Variants in GRAMD1B observed in about 807,000 individuals in gnomAD.
GRAMD1B encodes the protein protein Aster-B.
In GRAMD1B, 37 loss-of-function variants were observed where a neutral mutation model predicts 99.7. The observed-to-expected ratio is 0.37, with a 90% CI of 0.29 to 0.49. GRAMD1B has a LOEUF of 0.49. Among genes scored for constraint, GRAMD1B ranks in the 20% least tolerant of loss-of-function variants. The pLI, the probability that GRAMD1B is intolerant of heterozygous loss-of-function variation, is 0.98. For synonymous variants in GRAMD1B, 427 were observed against 387.6 expected (o/e 1.10, Z -1.19); for missense variants, 888 against 1,009.2 (o/e 0.88, Z 1.63).
At chr11:123,528,137 G>T (rs914478130) in intron 2 of GRAMD1B, among the ~76,000 whole-genome samples, 17 of 152,104 alleles carry the variant, frequency 1.1e-4, no homozygotes, top group African/African-American at 3.6e-4. Flanking sequence ...CCCTTTGGCA[G>T]TATCCCAACT....
chr11:123,619,028 C>T (rs1954799835), intron 18 of GRAMD1B, 79 bp from the exon 19 acceptor site: 2 of 795,946 alleles, frequency 2.5e-6, no homozygotes, highest in Non-Finnish European at 4.2e-6. Flanking sequence ...GACTCTCTGT[C>T]CTTTAGGGGT....
At chr11:123,488,447 C>T (rs1938134834) in intron 2 of GRAMD1B, among the ~76,000 whole-genome samples, 1 of 152,212 alleles carries the variant, frequency 6.6e-6, no homozygotes, top group Admixed American at 6.5e-5. Context: ...CTGGCATTAA[C>T]TGGCTGCCTG....
chr11:123,609,818 AAGG>A lies in GRAMD1B; in HGVS notation c.1687_1689del (p.Glu563del). ...AGATATCATCTTCCATCCATGGAAA[AAGG>A]AGGAGAATGGAAACCAGAGCCGAGT... On this transcript the variant is annotated inframe_deletion, in exon 13 of 20. Coordinates refer to ENST00000635736, the MANE Select transcript of GRAMD1B (RefSeq NM_001387025.1). The A allele has an allele frequency of 3.1e-6, 5 of 1,597,750 alleles. No homozygotes were observed. Among genetic ancestry groups the A allele is most frequent in the Non-Finnish European group, 4.3e-6 (5 of 1,169,730 alleles).
intron 1 of GRAMD1B, among the ~76,000 whole-genome samples, chr11:123,391,399 A>T (rs991627188): frequency 6.6e-6 from 1 of 152,066 alleles, no homozygotes; most frequent in Admixed American, 6.6e-5. Context: ...CCTCATTGAA[A>T]TCTCTCTGCC....
chr11:123,561,658 C>G (rs916021721), intron 2 of GRAMD1B, among the ~76,000 whole-genome samples: 2 of 152,254 alleles, frequency 1.3e-5, no homozygotes, highest in Non-Finnish European at 2.9e-5. Flanking sequence ...AGAAAGCCAT[C>G]TTTGCCTCTT....
At chr11:123,391,175 C>A (rs1467894991) in intron 1 of GRAMD1B, among the ~76,000 whole-genome samples, 1 of 152,174 alleles carries the variant, frequency 6.6e-6, no homozygotes, top group African/African-American at 2.4e-5. Context: ...CCGCCACTTG[C>A]CCTACTTCAT....
chr11:123,485,470 C>T (rs747642419), intron 2 of GRAMD1B, among the ~76,000 whole-genome samples: 9 of 152,170 alleles, frequency 5.9e-5, no homozygotes, highest in Non-Finnish European at 1.0e-4. Context: ...TTCACATTGA[C>T]GCTCTGTCCT....
In GRAMD1B at chr11:123,616,101, A is replaced by T. The variant is rs1279811230; in HGVS notation, c.2318+1266A>T. On this transcript the variant is annotated intron_variant, in intron 17 of 19. Coordinates refer to ENST00000635736, the MANE Select transcript of GRAMD1B (RefSeq NM_001387025.1). ...CACTTTGGGAGGCTGGGGCAGGCGG[A>T]TCATGAGGTCAGGAGATCGAGACCA... 2.0e-5 allele frequency among the ~76,000 whole-genome samples: 3 copies of T among 152,312 alleles called. No individual in the cohort carries two copies. The East Asian group carries it at 5.8e-4, about 29-fold the overall frequency.
chr11:123,618,241 C>G, intron 17 of GRAMD1B: 2 of 910,012 alleles, frequency 2.2e-6, no homozygotes, highest in Non-Finnish European at 3.7e-6. Flanking sequence ...CTCATATACT[C>G]TCACTCACTC....
At chr11:123,433,966 A>C (rs997742375) in intron 1 of GRAMD1B, among the ~76,000 whole-genome samples, 14 of 152,122 alleles carry the variant, frequency 9.2e-5, no homozygotes, top group Admixed American at 5.9e-4. Context: ...GCAGTGGCTC[A>C]CGCCTGTAAT....
At chr11:123,567,132 G>C (rs555596165) in intron 2 of GRAMD1B, among the ~76,000 whole-genome samples, 1 of 151,460 alleles carries the variant, frequency 6.6e-6, no homozygotes, top group East Asian at 2.0e-4. Flanking sequence ...GTTAGAGTAA[G>C]AGTTCCAGGC....
intron 1 of GRAMD1B, among the ~76,000 whole-genome samples, chr11:123,479,519 A>T (rs556733333): frequency 6.0e-4 from 91 of 152,324 alleles, no homozygotes; most frequent in African/African-American, 2.0e-3. Context: ...CCTTGGTTAT[A>T]GTGACATTTA....
chr11:123,486,878 C>A (rs905828726), intron 2 of GRAMD1B, among the ~76,000 whole-genome samples: 1 of 152,062 alleles, frequency 6.6e-6, no homozygotes, highest in African/African-American at 2.4e-5. Flanking sequence ...TGAGACCAGC[C>A]GCCAACATGG....
At chr11:123,469,994 CA>C in intron 1 of GRAMD1B, among the ~76,000 whole-genome samples, 1 of 152,014 alleles carries the variant, frequency 6.6e-6, no homozygotes, top group Non-Finnish European at 1.5e-5. Context: ...CATAGGAGGA[CA>C]AAAAGGGAAT....
intron 7 of GRAMD1B, chr11:123,598,141 C>T (rs1951514936): frequency 5.7e-6 from 9 of 1,583,664 alleles, no homozygotes; most frequent in Admixed American, 5.0e-5. Context: ...TGCCCAAACA[C>T]CTCATGCCAT....
At chr11:123,581,030 C>G (rs1182392841) in intron 3 of GRAMD1B, among the ~76,000 whole-genome samples, 1 of 152,070 alleles carries the variant, frequency 6.6e-6, no homozygotes, top group South Asian at 2.1e-4. Flanking sequence ...GTCCCTGCCC[C>G]CCTACCTCCT....
At chr11:123,523,196 G>A (rs137863618) in intron 2 of GRAMD1B, among the ~76,000 whole-genome samples, 2,455 of 152,214 alleles carry the variant, frequency 0.016, 64 homozygotes, top group African/African-American at 0.053. Flanking sequence ...ACCGGGCATC[G>A]TGGTGCGTGC....
At chr11:123,451,873 G>A (rs912422714) in intron 1 of GRAMD1B, among the ~76,000 whole-genome samples, 21 of 151,456 alleles carry the variant, frequency 1.4e-4, no homozygotes, top group Admixed American at 3.3e-4. Flanking sequence ...GTGTTCTCTC[G>A]CCCAGGCTGG....
intron 2 of GRAMD1B, among the ~76,000 whole-genome samples, chr11:123,534,323 T>G (rs1943722987): frequency 6.6e-6 from 1 of 152,210 alleles, no homozygotes; most frequent in Admixed American, 6.5e-5. Context: ...TTGAGTAGGC[T>G]GAGAAGGAGA....
Sources: gnomAD v4.1 joint callset for allele counts (sites outside exome capture counted in the v4.1 genomes callset) on GRCh38, gnomAD v4.1.1 for gene constraint, MANE v1.5 for transcripts, NCBI Gene and HGNC (gene_info 2026-07-23, HGNC 2026-07-21) for gene names.